The following IDE variants were observed in gnomAD, a reference collection of about 807,000 sequenced individuals.
IDE encodes insulin-degrading enzyme.
IDE carries 58 observed loss-of-function variants against 133.2 expected under a neutral mutation model. That is an observed-to-expected ratio of 0.44 (90% CI 0.35 to 0.54). The LOEUF (loss-of-function observed/expected upper bound fraction) is 0.54. Among genes scored for constraint, IDE ranks in the 20% least tolerant of loss-of-function variants. The pLI is 0.00. For missense variants in IDE, 981 were observed against 1,234.0 expected (o/e 0.79, Z 3.07); for synonymous variants, 396 against 421.3 (o/e 0.94, Z 0.73).
At chr10:92,571,309 C>G (rs1226966983) in intron 1 of IDE, among the ~76,000 whole-genome samples, 1 of 152,212 alleles carries the variant, frequency 6.6e-6, no homozygotes. Context: ...GCCACCCCAC[C>G]TGGCCTCAAC....
chr10:92,460,030 G>A (rs545579284), intron 22 of IDE, among the ~76,000 whole-genome samples: 7 of 151,720 alleles, frequency 4.6e-5, no homozygotes, highest in African/African-American at 1.7e-4. Flanking sequence ...GTAGAGACAG[G>A]GTTTCACTAT....
chr10:92,572,192 C>T (rs370825310), intron 1 of IDE, among the ~76,000 whole-genome samples: 3 of 152,304 alleles, frequency 2.0e-5, no homozygotes, highest in African/African-American at 4.8e-5. Flanking sequence ...AAAATTGGTG[C>T]TTTCTTTAAA....
At chr10:92,490,054 T>C (rs1847251145) in intron 12 of IDE, among the ~76,000 whole-genome samples, 1 of 152,184 alleles carries the variant, frequency 6.6e-6, no homozygotes. Context: ...AAAAGAACGG[T>C]GCTATAACAT....
At chr10:92,545,444 TAAATTACA>T (rs1275988061) in intron 1 of IDE, among the ~76,000 whole-genome samples, 4 of 152,204 alleles carry the variant, frequency 2.6e-5, no homozygotes, top group African/African-American at 4.8e-5. Context: ...AAGGCCATGA[TAAATTACA>T]AAAATCACAT....
intron 1 of IDE, among the ~76,000 whole-genome samples, chr10:92,551,518 A>G (rs1470481789): frequency 6.6e-6 from 1 of 150,964 alleles, no homozygotes; most frequent in Non-Finnish European, 1.5e-5. Context: ...CAGTTAGGCA[A>G]GACTGCACCA....
Position 92,478,311 on chromosome 10 carries a change from C to T in IDE, c.1884+966G>A, listed in dbSNP as rs1031244370. Among the ~76,000 whole-genome samples the T allele has an allele frequency of 1.3e-5, 2 of 152,130 alleles. 1 individual carries two copies. Among genetic ancestry groups the T allele is most frequent in the Non-Finnish European group, 2.9e-5 (2 of 68,016 alleles). ...CCTATTTATAAGTAAAATTCAATCACCACAACAACTATGGATATCTTCTAC... is the reference window on the plus strand; with the variant it reads ...CCTATTTATAAGTAAAATTCAATCATCACAACAACTATGGATATCTTCTAC... On this transcript the variant is annotated intron_variant, in intron 15 of 24. Transcript: ENST00000265986.
chr10:92,561,597 CAAAAAAAAAAA>C (rs1243124939), intron 1 of IDE, among the ~76,000 whole-genome samples: 1 of 120,210 alleles, frequency 8.3e-6, no homozygotes. Flanking sequence ...AATAAAAATA[CAAAAAAAAAAA>C]AAAATTAGCT....
At chr10:92,471,391 ATAAAG>A (rs1224968687) in intron 17 of IDE, among the ~76,000 whole-genome samples, 1 of 152,214 alleles carries the variant, frequency 6.6e-6, no homozygotes, top group African/African-American at 2.4e-5. Flanking sequence ...CTTTCACACT[ATAAAG>A]TAGCTACTAT....
At chr10:92,496,176 A>G (rs927541654) in intron 11 of IDE, among the ~76,000 whole-genome samples, 1 of 152,110 alleles carries the variant, frequency 6.6e-6, no homozygotes. Flanking sequence ...CGCCTGGCCT[A>G]AAGTGTTTCT....
At chr10:92,464,414 T>G (rs1845560369) in intron 20 of IDE, among the ~76,000 whole-genome samples, 1 of 152,194 alleles carries the variant, frequency 6.6e-6, no homozygotes, top group South Asian at 2.1e-4. Flanking sequence ...AACACGGCTC[T>G]CCTACTGTAT....
At chr10:92,515,066 C>A in intron 4 of IDE, 24 bp from the exon 5 acceptor site, 1 of 1,565,656 alleles carries the variant, frequency 6.4e-7, no homozygotes, top group Admixed American at 2.0e-5. Flanking sequence ...AAAGGGATTT[C>A]TTAGAAAAAG....
At chr10:92,530,094 C>T (rs928195120) in intron 4 of IDE, among the ~76,000 whole-genome samples, 2 of 151,964 alleles carry the variant, frequency 1.3e-5, no homozygotes, top group South Asian at 4.2e-4. Context: ...GGCATGGTGG[C>T]GGGCGCCTGT....
rs200543685 is a variant in IDE, at chr10:92,553,681, GATC to G, written c.99-16134_99-16132del. Among the ~76,000 whole-genome samples, 169 of 152,158 alleles carry G rather than the reference GATC, an allele frequency of 1.1e-3. 3 individuals are homozygous for G. In the East Asian group the frequency reaches 0.028, roughly 25 times the overall value. On this transcript the variant is annotated intron_variant, in intron 1 of 24. Transcript: ENST00000265986. ...CAACTGATACCGCAAAAATTCAAAA[GATC>G]ATTAGTGGCTATTATGAGCAACTAT...
At position 92,459,719 on chromosome 10, in the gene IDE, T is replaced by A. The variant is rs1845257526; in HGVS notation, c.2823+1472A>T. On this transcript the variant is annotated intron_variant, in intron 22 of 24. Transcript: ENST00000265986. ...TCCATTGCAGCACAAATTTTGAGTT[T>A]TTGCATTTAGCATACTTATTACACA... Among the ~76,000 whole-genome samples the A allele has an allele frequency of 2.0e-5, 3 of 152,176 alleles. No individual in the cohort carries two copies. The South Asian group carries it at 6.2e-4, about 32-fold the overall frequency.
At position 92,487,307 on chromosome 10, in the gene IDE, A is replaced by G; in HGVS notation, c.1545T>C (p.Asn515=). 6.2e-7 allele frequency: 1 copy of G among 1,610,616 alleles called. No individual in the cohort carries two copies. Among genetic ancestry groups the G allele is most frequent in the Non-Finnish European group, 8.5e-7 (1 of 1,178,650 alleles). ...GTTTAAATTTCCCATTCAGGTCAGC[A>G]TTTTGCCATTTCTGGATGAATAATG... ...IPDEVIKKWQ[N]ADLNGKFKLP... is the part of the protein sequence containing the mutation. The change falls in exon 13 of 25, where the codon AAT becomes AAC. Residue 515 remains asparagine, a synonymous_variant. Coordinates refer to ENST00000265986, the MANE Select transcript of IDE (RefSeq NM_004969.4).
intron 11 of IDE, among the ~76,000 whole-genome samples, chr10:92,504,505 T>C (rs1478435099): frequency 6.6e-6 from 1 of 152,164 alleles, no homozygotes; most frequent in African/African-American, 2.4e-5. Context: ...ATTTTATTTA[T>C]GATAATAAAA....
At chr10:92,522,342 T>G (rs1376112251) in intron 4 of IDE, among the ~76,000 whole-genome samples, 1 of 152,230 alleles carries the variant, frequency 6.6e-6, no homozygotes, top group Non-Finnish European at 1.5e-5. Flanking sequence ...CCTTGGTCTT[T>G]TCTTCATGTC....
Position 92,454,378 on chromosome 10 carries a change from G to T in IDE, c.*66C>A. 1.8e-6 allele frequency: 2 copies of T among 1,098,574 alleles called. No individual in the cohort carries two copies. Among genetic ancestry groups the T allele is most frequent in the South Asian group, 1.3e-5 (1 of 79,778 alleles). The allele number at this position is 1,098,574 out of a possible 1,614,324, so 68.1% of individuals were successfully genotyped here. ...CAGAAACTATTAAAGTGGCCAAGAT[G>T]ATTTTCTTAGGCTCTGGAAGACTCA... On this transcript the variant is annotated 3_prime_UTR_variant, in exon 25 of 25. Transcript: ENST00000265986.
At chr10:92,521,690 A>AAAT (rs754219580) in intron 4 of IDE, among the ~76,000 whole-genome samples, 373 of 151,524 alleles carry the variant, frequency 2.5e-3, no homozygotes, top group African/African-American at 7.9e-3. Context: ...ACAAAAATTA[A>AAAT]AATAATAATA....
Sources: gnomAD v4.1 joint callset for allele counts (sites outside exome capture counted in the v4.1 genomes callset) on GRCh38, gnomAD v4.1.1 for gene constraint, MANE v1.5 for transcripts, NCBI Gene and HGNC (gene_info 2026-07-23, HGNC 2026-07-21) for gene names.